Variants in CACNA1D observed in about 807,000 individuals in gnomAD.
CACNA1D encodes the protein voltage-dependent L-type calcium channel subunit alpha-1D.
In CACNA1D, 55 loss-of-function variants were observed where a neutral mutation model predicts 257.1. The ratio of observed to expected loss-of-function variants is 0.21; its 90% CI spans 0.17 to 0.27. CACNA1D has a LOEUF of 0.27. Among genes scored for constraint, CACNA1D ranks in the 10% least tolerant of loss-of-function variants. CACNA1D has a pLI of 1.00. For missense variants in CACNA1D, 1,876 were observed against 2,784.0 expected (o/e 0.67, Z 7.34); for synonymous variants, 980 against 1,014.9 (o/e 0.97, Z 0.65).
intron 3 of CACNA1D, among the ~76,000 whole-genome samples, chr3:53,539,114 T>C (rs1236285378): frequency 6.6e-6 from 1 of 151,468 alleles, no homozygotes; most frequent in African/African-American, 2.4e-5. Context: ...TTTTTTTTTT[T>C]GTTGTTGTTG....
intron 3 of CACNA1D, among the ~76,000 whole-genome samples, chr3:53,603,330 T>C (rs984744528): frequency 6.6e-6 from 1 of 152,236 alleles, no homozygotes; most frequent in African/African-American, 2.4e-5. Flanking sequence ...GCCAGACTGC[T>C]GGGGTTTGAA....
chr3:53,804,880 T>C (rs2095554174), intron 44 of CACNA1D, 103 bp from the exon 45 acceptor site: 1 of 1,096,008 alleles, frequency 9.1e-7, no homozygotes, highest in African/African-American at 1.5e-5. Context: ...TCCTACTGTG[T>C]CCAAGGGAGG....
intron 3 of CACNA1D, among the ~76,000 whole-genome samples, chr3:53,527,622 G>C (rs1307597341): frequency 6.6e-6 from 1 of 152,324 alleles, no homozygotes; most frequent in African/African-American, 2.4e-5. Context: ...TTGGGCTGCT[G>C]TGTATGACAG....
At chr3:53,709,525 G>A (rs962148433) in intron 9 of CACNA1D, among the ~76,000 whole-genome samples, 7 of 152,198 alleles carry the variant, frequency 4.6e-5, no homozygotes, top group Admixed American at 1.3e-4. Flanking sequence ...TTTTAGGAAC[G>A]TGAGTATTCT....
At position 53,643,145 on chromosome 3, in the gene CACNA1D, TA is replaced by T. The variant is rs535084619; in HGVS notation, c.484-7631del. On this transcript the variant is annotated intron_variant, in intron 3 of 47. Coordinates refer to ENST00000350061, the MANE Select transcript of CACNA1D (RefSeq NM_001128840.3). ...AAATGTCACATAAAATGTGTACTTT[TA>T]AACCGAAGGTGAAGAAAGATGAGGG... Among the ~76,000 whole-genome samples, 465 of 152,302 alleles carry T rather than the reference TA, an allele frequency of 3.1e-3. 1 individual carries two copies. Among genetic ancestry groups the T allele is most frequent in the Non-Finnish European group, 4.9e-3 (333 of 68,024 alleles).
rs759613686 is a variant in CACNA1D at position 53,719,823 on chromosome 3, C to A, written c.1505+42C>A. 3 of 1,580,416 alleles carry A rather than the reference C, an allele frequency of 1.9e-6. No individual in the cohort carries two copies. In the Admixed American group the frequency reaches 5.0e-5, roughly 26 times the overall value. On this transcript the variant is annotated intron_variant, in intron 11 of 47. Coordinates refer to ENST00000350061, the MANE Select transcript of CACNA1D (RefSeq NM_001128840.3). ...TGTTTCTTCGTCAGCCTGTGTGTTG[C>A]CTTTGTATGTTCTCACTTCTGAATT...
chr3:53,740,287 G>T lies in CACNA1D; in HGVS notation c.2759G>T (p.Gly920Val). 6.2e-7 allele frequency: 1 copy of T among 1,611,014 alleles called. No homozygotes were observed. ...ACATGTTGTGCCTTGCAGATACTGG[G>T]TTACTTTGACTATGCCTTCACAGCC... The part of the protein sequence containing the change: ...RSHSFRNTIL[G>V]YFDYAFTAIF... The change falls in exon 21 of 48, where the codon GGT becomes GTT. Residue 920 changes from glycine to valine, a missense_variant. Transcript: ENST00000350061.
In CACNA1D at chr3:53,789,703, G is replaced by A. The variant is rs560192809; in HGVS notation, c.4923+2751G>A. Among the ~76,000 whole-genome samples the A allele has an allele frequency of 4.6e-5, 7 of 152,366 alleles. No homozygotes were observed. The highest frequency in any genetic ancestry group is 3.9e-4 in the East Asian group (2 of 5,190). Reference sequence around the variant, plus strand: ...GGAGCATGGCCGTCGCAGTGTGAGCGCAGAAGTGCGGACCTAGGCATGTGC... The same window carrying A: ...GGAGCATGGCCGTCGCAGTGTGAGCACAGAAGTGCGGACCTAGGCATGTGC... On this transcript the variant is annotated intron_variant, in intron 40 of 47. Coordinates refer to ENST00000350061, the MANE Select transcript of CACNA1D (RefSeq NM_001128840.3). This position sits in a 1 kb window ranked among gnomAD's most constrained non-coding sequence, Gnocchi z 4.2.
rs6147823 is a variant in CACNA1D at position 53,782,264 on chromosome 3, G to GTGTGTATATA, written c.4792+598_4792+599insGTGTATATAT. 4.9e-3 allele frequency: 369 copies of GTGTGTATATA among 75,430 alleles called. 5 individuals carry two copies. Among genetic ancestry groups the GTGTGTATATA allele is most frequent in the East Asian group, 6.3e-3 (10 of 1,598 alleles). 4.7% of individuals were successfully genotyped at this position (75,430 alleles called of 1,614,324 possible). A position where few individuals can be genotyped will look rare whatever the true frequency, so the allele number is the denominator to read the frequency against. ...AGTGTGTGTGTGTGTGTGTGTGTGT[G>GTGTGTATATA]TATATATATATATATATATATATAT... On this transcript the variant is annotated intron_variant, in intron 39 of 47. Transcript: ENST00000350061.
intron 37 of CACNA1D, among the ~76,000 whole-genome samples, chr3:53,777,248 GGGCTCAGAAGGA>G (rs2095402757): frequency 6.6e-6 from 1 of 152,188 alleles, no homozygotes; most frequent in Admixed American, 6.5e-5. Context: ...GAGGCAGGGA[GGGCTCAGAAGGA>G]GGCAGGAGAA....
intron 8 of CACNA1D, among the ~76,000 whole-genome samples, chr3:53,683,194 A>G (rs1244283333): frequency 1.3e-5 from 2 of 152,180 alleles, no homozygotes; most frequent in Non-Finnish European, 2.9e-5. Context: ...GCCAGGTGAT[A>G]CTTATTGAAG....
rs576663896 is a variant in CACNA1D at position 53,796,947 on chromosome 3, G to T, written c.4924-3302G>T. The stretch of plus-strand genomic sequence containing the variant: ...GGAATGACTTTATATGGCTTTAATT[G>T]TGTTGGTTTAAGTGCTAATGACCAC... On this transcript the variant is annotated intron_variant, in intron 40 of 47. Coordinates refer to ENST00000350061, the MANE Select transcript of CACNA1D (RefSeq NM_001128840.3). 9.2e-5 allele frequency among the ~76,000 whole-genome samples: 14 copies of T among 152,272 alleles called. No individual in the cohort carries two copies. The East Asian group carries it at 2.7e-3, about 29-fold the overall frequency.
intron 8 of CACNA1D, among the ~76,000 whole-genome samples, chr3:53,697,923 A>C (rs1174622544): frequency 1.3e-5 from 2 of 152,108 alleles, no homozygotes; most frequent in Non-Finnish European, 2.9e-5. Flanking sequence ...GGAATCACCC[A>C]GTTCTCCAAA....
intron 4 of CACNA1D, among the ~76,000 whole-genome samples, chr3:53,651,390 C>CTTTTTTTTTTTTTTTTT (rs2094094826): frequency 7.2e-5 from 1 of 13,972 alleles, no homozygotes; most frequent in African/African-American, 3.8e-4. Context: ...TTTTTTTTTG[C>CTTTTTTTTTTTTTTTTT]TGACTTGCGG....
At chr3:53,769,084 T>A (rs2095351591) in intron 30 of CACNA1D, among the ~76,000 whole-genome samples, 1 of 152,238 alleles carries the variant, frequency 6.6e-6, no homozygotes, top group Admixed American at 6.5e-5. Context: ...TTCCAACTCC[T>A]CTGTGTTCTC....
intron 8 of CACNA1D, among the ~76,000 whole-genome samples, chr3:53,677,357 C>G (rs967029147): frequency 6.6e-6 from 1 of 152,258 alleles, no homozygotes; most frequent in Non-Finnish European, 1.5e-5. Context: ...TTACCCTGAG[C>G]CTCGGTCTCT....
intron 21 of CACNA1D, 110 bp downstream of exon 21, chr3:53,740,449 G>A (rs1378559210): frequency 3.8e-6 from 3 of 794,566 alleles, no homozygotes; most frequent in Non-Finnish European, 6.7e-6. Context: ...TGTCTTCACT[G>A]GTACTTTTGC....
At chr3:53,648,527 C>G (rs976607269) in intron 3 of CACNA1D, among the ~76,000 whole-genome samples, 1 of 152,130 alleles carries the variant, frequency 6.6e-6, no homozygotes, top group African/African-American at 2.4e-5. Flanking sequence ...AGTGTGTGAT[C>G]GTTCCTCCAG....
Position 53,673,016 on chromosome 3 carries a change from C to A in CACNA1D, c.1117-7C>A. The A allele has an allele frequency of 1.9e-6, 3 of 1,542,006 alleles. 1 individual carries two copies. Among genetic ancestry groups the A allele is most frequent in the Non-Finnish European group, 2.6e-6 (3 of 1,138,210 alleles). On this transcript the variant is annotated splice_region_variant and splice_polypyrimidine_tract_variant and intron_variant, in intron 7 of 47. Coordinates refer to ENST00000350061, the MANE Select transcript of CACNA1D (RefSeq NM_001128840.3). The surrounding 1 kb of genome is among the most constrained non-coding windows in gnomAD (Gnocchi z 4.1). ...CCACTCCTATGAGACCATCTTATTT[C>A]TTGCAGATGAATGATGCTATGGGAT...
Sources: allele counts gnomAD v4.1 joint callset (sites outside exome capture counted in the v4.1 genomes callset), GRCh38; gene constraint gnomAD v4.1.1; non-coding constraint Gnocchi (gnomAD v3.1); transcripts MANE v1.5; gene names NCBI Gene and HGNC (gene_info 2026-07-23, HGNC 2026-07-21).